The following ADCY2 variants were observed in gnomAD, a reference collection of about 807,000 sequenced individuals.
ADCY2 encodes the protein adenylate cyclase type 2.
ADCY2 carries 31 observed loss-of-function variants against 125.2 expected under a neutral mutation model. That is an observed-to-expected ratio of 0.25 (90% CI 0.19 to 0.33). The LOEUF is 0.33. Ranked by LOEUF, ADCY2 falls within the 10% of genes least tolerant of loss-of-function variation. The pLI is 1.00. For missense variants in ADCY2, 904 were observed against 1,418.2 expected (o/e 0.64, Z 5.82); for synonymous variants, 512 against 548.4 (o/e 0.93, Z 0.93).
chr5:7,524,342 A>G (rs1734370734), intron 3 of ADCY2, among the ~76,000 whole-genome samples: 1 of 152,222 alleles, frequency 6.6e-6, no homozygotes, highest in East Asian at 1.9e-4. Context: ...CACCACCCCA[A>G]AAGCTTTAGT....
chr5:7,396,365 A>T lies in ADCY2; in HGVS notation c.69A>T (p.Gly23=). 1 of 1,553,204 alleles carries T rather than the reference A, an allele frequency of 6.4e-7. No homozygotes were observed. The highest frequency in any genetic ancestry group is 8.7e-7 in the Non-Finnish European group (1 of 1,151,222). Reference sequence around the variant, plus strand: ...GCTCCGAGGAGGCGGCGGGCGGCGGAGACGGGCTGCCGCGGTCCCGGGACT... The same window carrying T: ...GCTCCGAGGAGGCGGCGGGCGGCGGTGACGGGCTGCCGCGGTCCCGGGACT... ...RDRSEEAAGG[G]DGLPRSRDWL... is the part of the protein sequence containing the mutation. The change falls in exon 1 of 25, where the codon GGA becomes GGT. Residue 23 remains glycine, a synonymous_variant. Transcript: ENST00000338316. The surrounding 1 kb of genome is among the most constrained non-coding windows in gnomAD (Gnocchi z 5.7).
chr5:7,646,015 T>C (rs1738882288), intron 4 of ADCY2, among the ~76,000 whole-genome samples: 1 of 152,178 alleles, frequency 6.6e-6, no homozygotes, highest in Admixed American at 6.5e-5. Flanking sequence ...CAGGCAAATG[T>C]GGATTCAGAA....
chr5:7,482,688 A>T (rs2126475403), intron 2 of ADCY2, among the ~76,000 whole-genome samples: 1 of 151,048 alleles, frequency 6.6e-6, no homozygotes, highest in East Asian at 2.0e-4. Context: ...CTTGATGTTT[A>T]TTGTAGCACT....
At chr5:7,563,392 A>C (rs1735787113) in intron 3 of ADCY2, among the ~76,000 whole-genome samples, 1 of 152,172 alleles carries the variant, frequency 6.6e-6, no homozygotes, top group Admixed American at 6.5e-5. Flanking sequence ...GGCGCCCCTG[A>C]GTCCACAGAA....
At chr5:7,442,907 A>G (rs1741067209) in intron 2 of ADCY2, among the ~76,000 whole-genome samples, 1 of 152,130 alleles carries the variant, frequency 6.6e-6, no homozygotes, top group South Asian at 2.1e-4. Flanking sequence ...ATACTCCTGA[A>G]TATTATCCTA....
chr5:7,727,269 C>A lies in ADCY2; in HGVS notation c.1871+8C>A, dbSNP rs1741962311. The stretch of plus-strand genomic sequence containing the variant: ...GATTCTCGTGCTGCCAAAGTAAGTA[C>A]TTCTGGTTTCCACTGGGATTCTCAC... On this transcript the variant is annotated splice_region_variant and intron_variant, in intron 14 of 24. Transcript: ENST00000338316. 6.8e-6 allele frequency: 11 copies of A among 1,611,300 alleles called. No homozygotes were observed. The highest frequency in any genetic ancestry group is 9.3e-6 in the Non-Finnish European group (11 of 1,177,636).
chr5:7,575,433 A>C lies in ADCY2; in HGVS notation c.571-50734A>C, dbSNP rs75596545. ...AATGTATGATTGCTTAGGTTTCATAAAGATGATTTAGAATTTTGGAAGTGC... is the reference window on the plus strand; with the variant it reads ...AATGTATGATTGCTTAGGTTTCATACAGATGATTTAGAATTTTGGAAGTGC... On this transcript the variant is annotated intron_variant, in intron 3 of 24. Transcript: ENST00000338316. 6.7e-3 allele frequency among the ~76,000 whole-genome samples: 1,025 copies of C among 152,312 alleles called. 12 individuals are homozygous for C. Among genetic ancestry groups the C allele is most frequent in the African/African-American group, 0.024 (982 of 41,578 alleles).
At chr5:7,754,783 G>A (rs1742935284) in intron 15 of ADCY2, among the ~76,000 whole-genome samples, 2 of 151,994 alleles carry the variant, frequency 1.3e-5, no homozygotes, top group Admixed American at 1.3e-4. Context: ...CTTGAACCTA[G>A]GAGGCGGAGG....
At chr5:7,539,347 CATGGGA>C (rs1734920471) in intron 3 of ADCY2, among the ~76,000 whole-genome samples, 1 of 146,586 alleles carries the variant, frequency 6.8e-6, no homozygotes. Context: ...TACCAAAATG[CATGGGA>C]TTAAAAAAAA....
At chr5:7,673,115 A>G (rs1739988560) in intron 4 of ADCY2, among the ~76,000 whole-genome samples, 1 of 150,672 alleles carries the variant, frequency 6.6e-6, no homozygotes, top group South Asian at 2.1e-4. Flanking sequence ...TTATAAACTT[A>G]ACAATGGTTG....
intron 2 of ADCY2, among the ~76,000 whole-genome samples, chr5:7,477,216 C>T (rs1211570577): frequency 6.6e-6 from 1 of 151,726 alleles, no homozygotes; most frequent in Non-Finnish European, 1.5e-5. Context: ...TAAAAGAGAC[C>T]CCCATTAAAA....
chr5:7,653,597 A>G (rs552641254), intron 4 of ADCY2, among the ~76,000 whole-genome samples: 2 of 150,468 alleles, frequency 1.3e-5, no homozygotes, highest in East Asian at 3.9e-4. Context: ...ACAGAGCGAG[A>G]CTCTGTCTTA....
chr5:7,697,002 C>T (rs531938479), intron 6 of ADCY2, among the ~76,000 whole-genome samples: 1 of 151,956 alleles, frequency 6.6e-6, no homozygotes, highest in South Asian at 2.1e-4. Flanking sequence ...ACTACCTGTT[C>T]ATGTTAGGAA....
intron 4 of ADCY2, among the ~76,000 whole-genome samples, chr5:7,676,344 A>G (rs1238592917): frequency 5.3e-5 from 8 of 152,344 alleles, no homozygotes; most frequent in South Asian, 2.1e-4. Flanking sequence ...TAAATAGAGA[A>G]CAGAACAGTC....
chr5:7,530,628 A>G (rs1846681), intron 3 of ADCY2, among the ~76,000 whole-genome samples: 70,329 of 151,774 alleles, frequency 0.46, 17,572 homozygotes, highest in South Asian at 0.57. Context: ...ATCTATCCAA[A>G]AAACAACTCT....
chr5:7,636,718 G>A (rs1738517483), intron 4 of ADCY2, among the ~76,000 whole-genome samples: 1 of 152,192 alleles, frequency 6.6e-6, no homozygotes, highest in South Asian at 2.1e-4. Context: ...AAGAGAAGAA[G>A]GTATAAGTGG....
At chr5:7,437,617 A>G (rs1740855190) in intron 2 of ADCY2, among the ~76,000 whole-genome samples, 1 of 152,244 alleles carries the variant, frequency 6.6e-6, no homozygotes, top group Non-Finnish European at 1.5e-5. Flanking sequence ...GCACGGCGTG[A>G]TAGGTACTCG....
intron 4 of ADCY2, among the ~76,000 whole-genome samples, chr5:7,633,013 G>A (rs1738370722): frequency 6.6e-6 from 1 of 151,964 alleles, no homozygotes; most frequent in Non-Finnish European, 1.5e-5. Flanking sequence ...CCAGGGGGAG[G>A]ATGAAGGAAC....
Position 7,707,841 on chromosome 5 carries a change from C to T in ADCY2, c.1401+3C>T, listed in dbSNP as rs767463191. The T allele has an allele frequency of 1.2e-6, 2 of 1,613,710 alleles. No individual in the cohort carries two copies. The highest frequency in any genetic ancestry group is 1.7e-6 in the Non-Finnish European group (2 of 1,179,850). ...CCTACTTTGTGATCAACCCCAAGGT[C>T]AGTATCATTGTAAAGAGTCTATGAT... On this transcript the variant is annotated splice_donor_region_variant and intron_variant, in intron 9 of 24. Transcript: ENST00000338316.
Sources: allele counts gnomAD v4.1 joint callset (sites outside exome capture counted in the v4.1 genomes callset), GRCh38; gene constraint gnomAD v4.1.1; non-coding constraint Gnocchi (gnomAD v3.1); transcripts MANE v1.5; gene names NCBI Gene and HGNC (gene_info 2026-07-23, HGNC 2026-07-21).